Variants in TBC1D5 observed in about 807,000 individuals in gnomAD.
TBC1D5 encodes the protein TBC1 domain family member 5.
TBC1D5 carries 75 observed loss-of-function variants against 100.3 expected under a neutral mutation model. The ratio of observed to expected loss-of-function variants is 0.75; its 90% confidence interval spans 0.62 to 0.91. The LOEUF is 0.91. Among genes scored for constraint, TBC1D5 ranks in the 40% least tolerant of loss-of-function variants. The probability of loss-of-function intolerance (pLI) is 0.00; values close to 1 mark genes in which losing one functional copy is unlikely to be tolerated. For synonymous variants in TBC1D5, 323 were observed against 325.6 expected (o/e 0.99, Z 0.09); for missense variants, 910 against 942.4 (o/e 0.97, Z 0.45).
intron 16 of TBC1D5, among the ~76,000 whole-genome samples, chr3:17,241,250 T>C (rs1315884914): frequency 1.3e-5 from 2 of 152,178 alleles, no homozygotes; most frequent in African/African-American, 2.4e-5. Flanking sequence ...TCCTGTGAAA[T>C]ATTAAACAAC....
chr3:17,348,614 C>T (rs1400622918), intron 13 of TBC1D5, among the ~76,000 whole-genome samples: 1 of 152,116 alleles, frequency 6.6e-6, no homozygotes, highest in African/African-American at 2.4e-5. Context: ...CCACTTTAGA[C>T]TCAATTTCAT....
intron 3 of TBC1D5, among the ~76,000 whole-genome samples, chr3:17,485,428 C>T: frequency 6.6e-6 from 1 of 151,334 alleles, no homozygotes; most frequent in Non-Finnish European, 1.5e-5. Flanking sequence ...TGTTGTGCTG[C>T]ACCCATTAAC....
chr3:17,160,773 A>AC, exon 22 of TBC1D5: 2 of 731,222 alleles, frequency 2.7e-6, no homozygotes, highest in Non-Finnish European at 4.3e-6. Flanking sequence ...CATGTGGCAA[A>AC]CCTAAGCCTC....
Position 17,674,815 on chromosome 3 carries a change from T to TAC in TBC1D5, c.-100-50904_-100-50903dup, listed in dbSNP as rs529861080. On this transcript the variant is annotated intron_variant, in intron 1 of 21. Transcript: ENST00000253692. ...GAAGTGATAGAGATGGTCTAAGTGG[T>TAC]ACACTCAAGAAAATAAGGTCACAAG... Among the ~76,000 whole-genome samples the TAC allele has an allele frequency of 2.3e-3, 344 of 152,218 alleles. 2 individuals are homozygous for TAC. Among genetic ancestry groups the TAC allele is most frequent in the South Asian group, 6.0e-3 (29 of 4,826 alleles).
chr3:17,513,756 G>C (rs925202808), intron 2 of TBC1D5, among the ~76,000 whole-genome samples: 1 of 152,102 alleles, frequency 6.6e-6, no homozygotes, highest in Non-Finnish European at 1.5e-5. Context: ...TTTCAGAGTC[G>C]ATTATAAAAG....
chr3:17,677,074 T>C (rs1220976863), intron 1 of TBC1D5, among the ~76,000 whole-genome samples: 2 of 152,142 alleles, frequency 1.3e-5, no homozygotes, highest in African/African-American at 4.8e-5. Flanking sequence ...GGCAATACCA[T>C]TCAGGACATA....
intron 7 of TBC1D5, among the ~76,000 whole-genome samples, chr3:17,404,331 C>G (rs1409107751): frequency 6.6e-6 from 1 of 152,024 alleles, no homozygotes; most frequent in Non-Finnish European, 1.5e-5. Context: ...GTTAGCCCTA[C>G]TAAGTGAGCC....
chr3:17,617,998 T>C (rs2153639549), intron 2 of TBC1D5, among the ~76,000 whole-genome samples: 1 of 152,264 alleles, frequency 6.6e-6, no homozygotes, highest in East Asian at 1.9e-4. Flanking sequence ...TTTAGAACTT[T>C]CAGCTTTTCT....
At chr3:17,609,355 T>C (rs1284682320) in intron 2 of TBC1D5, among the ~76,000 whole-genome samples, 2 of 152,188 alleles carry the variant, frequency 1.3e-5, no homozygotes, top group Admixed American at 6.5e-5. Context: ...CAAAAAATGT[T>C]CTCTGAATGG....
chr3:17,684,942 T>C (rs1162521248), intron 1 of TBC1D5, among the ~76,000 whole-genome samples: 1 of 152,018 alleles, frequency 6.6e-6, no homozygotes, highest in Non-Finnish European at 1.5e-5. Context: ...TAGAACAGAT[T>C]TGCCATTAAA....
At chr3:17,557,066 T>C (rs2096526838) in intron 2 of TBC1D5, among the ~76,000 whole-genome samples, 1 of 152,210 alleles carries the variant, frequency 6.6e-6, no homozygotes. Flanking sequence ...TAAAAACAAC[T>C]GCTTAACATG....
At chr3:17,496,424 G>A (rs964865360) in intron 3 of TBC1D5, among the ~76,000 whole-genome samples, 5 of 151,640 alleles carry the variant, frequency 3.3e-5, no homozygotes, top group African/African-American at 4.8e-5. Flanking sequence ...AATAAAGCTC[G>A]TACATGTACA....
At chr3:17,742,116 C>A (rs1363113170), upstream of TBC1D5, among the ~76,000 whole-genome samples, 1 of 152,204 alleles carries the variant, frequency 6.6e-6, no homozygotes, top group Non-Finnish European at 1.5e-5. Context: ...CCCCGACCTC[C>A]TGGGGCAGGG....
intron 18 of TBC1D5, among the ~76,000 whole-genome samples, chr3:17,202,954 C>T (rs1003404415): frequency 3.7e-4 from 56 of 152,336 alleles, no homozygotes; most frequent in Middle Eastern, 3.4e-3. Flanking sequence ...ACAGAGTCTC[C>T]GCTGGGGCAC....
chr3:17,440,512 G>C (rs2094629744), intron 3 of TBC1D5, among the ~76,000 whole-genome samples: 1 of 152,102 alleles, frequency 6.6e-6, no homozygotes, highest in Non-Finnish European at 1.5e-5. Context: ...AGCTACCTAG[G>C]GGACTGGGGC....
At chr3:17,263,071 T>C (rs1317241789) in intron 15 of TBC1D5, among the ~76,000 whole-genome samples, 2 of 150,352 alleles carry the variant, frequency 1.3e-5, no homozygotes, top group African/African-American at 4.9e-5. Context: ...CAACAAAAAA[T>C]AAAAAAAATT....
intron 19 of TBC1D5, among the ~76,000 whole-genome samples, chr3:17,177,915 G>T (rs556246063): frequency 1.9e-4 from 29 of 152,140 alleles, no homozygotes; most frequent in African/African-American, 6.3e-4. Context: ...TTATCTCCAT[G>T]AGTTCAATTG....
intron 3 of TBC1D5, among the ~76,000 whole-genome samples, chr3:17,507,332 GTTC>G (rs1342835379): frequency 1.3e-5 from 2 of 151,928 alleles, no homozygotes; most frequent in Non-Finnish European, 2.9e-5. Flanking sequence ...TAAGTCTTGA[GTTC>G]TTATTTAACA....
At chr3:17,740,908 CCATACAG>C (rs1190468820), upstream of TBC1D5, 1 of 152,186 alleles carries the variant, frequency 6.6e-6, no homozygotes, top group Non-Finnish European at 1.5e-5. Flanking sequence ...GATGCAGTCA[CCATACAG>C]CATACAGACA....
Sources: gnomAD v4.1 joint callset for allele counts (sites outside exome capture counted in the v4.1 genomes callset) on GRCh38, gnomAD v4.1.1 for gene constraint, MANE v1.5 for transcripts, NCBI Gene and HGNC (gene_info 2026-07-23, HGNC 2026-07-21) for gene names.